Variants in ADAMTS6 observed in about 807,000 individuals in gnomAD.
ADAMTS6 encodes ADAM metallopeptidase with thrombospondin type 1 motif 6, also known as A disintegrin and metalloproteinase with thrombospondin motifs 6.
A neutral mutation model predicts 144.3 loss-of-function variants in ADAMTS6; 23 were observed. The observed-to-expected ratio is 0.16, with a 90% CI of 0.11 to 0.23. The LOEUF (loss-of-function observed/expected upper bound fraction) is 0.23, where lower values mean the gene tolerates loss of function less well. Ranked by LOEUF, ADAMTS6 falls within the 10% of genes least tolerant of loss-of-function variation. ADAMTS6 has a pLI of 1.00. For synonymous variants in ADAMTS6, 444 were observed against 457.5 expected (o/e 0.97, Z 0.38); for missense variants, 999 against 1,379.6 (o/e 0.72, Z 4.37).
intron 14 of ADAMTS6, among the ~76,000 whole-genome samples, chr5:65,255,782 T>A (rs1265857437): frequency 6.6e-6 from 1 of 152,146 alleles, no homozygotes; most frequent in Non-Finnish European, 1.5e-5. Flanking sequence ...TTAAAAAAAA[T>A]TTTGTCAGAA....
chr5:65,268,818 T>C (rs1251999451), intron 12 of ADAMTS6, among the ~76,000 whole-genome samples: 4 of 152,236 alleles, frequency 2.6e-5, no homozygotes, highest in African/African-American at 7.2e-5. Flanking sequence ...TGGGCAGGGA[T>C]CCCATATCTT....
chr5:65,267,291 A>T (rs1021646946), intron 12 of ADAMTS6, among the ~76,000 whole-genome samples: 1 of 152,108 alleles, frequency 6.6e-6, no homozygotes, highest in Non-Finnish European at 1.5e-5. Context: ...ACTATTCTAA[A>T]TAACAGTCAT....
At chr5:65,471,768 A>C (rs1049457615) in intron 2 of ADAMTS6, among the ~76,000 whole-genome samples, 3 of 152,066 alleles carry the variant, frequency 2.0e-5, no homozygotes, top group Non-Finnish European at 4.4e-5. Context: ...AAAAAAAAAA[A>C]CAAAACGAAA....
At position 65,214,218 on chromosome 5, in the gene ADAMTS6, C is replaced by A; in HGVS notation, c.2575+576G>T. ...GGACAACCAACACATCACCAACCAC[C>A]GCCTAGCAGCTACCTCTGAGGGACT... is the stretch of plus-strand genomic sequence containing the variant. On this transcript the variant is annotated intron_variant, in intron 20 of 24. Coordinates refer to ENST00000381055, the MANE Select transcript of ADAMTS6 (RefSeq NM_197941.4). This position sits in a 1 kb window ranked among gnomAD's most constrained non-coding sequence, Gnocchi z 4.6. 1 of 178,486 alleles carries A rather than the reference C, an allele frequency of 5.6e-6. No individual in the cohort carries two copies. The highest frequency in any genetic ancestry group is 5.7e-5 in the Admixed American group (1 of 17,596). 11.1% of individuals were successfully genotyped at this position (178,486 alleles called of 1,614,324 possible).
At chr5:65,252,662 G>A (rs571315592) in intron 14 of ADAMTS6, among the ~76,000 whole-genome samples, 29 of 151,560 alleles carry the variant, frequency 1.9e-4, no homozygotes, top group African/African-American at 6.8e-4. Context: ...ACTCTAACCA[G>A]AGAGTTATAA....
intron 7 of ADAMTS6, among the ~76,000 whole-genome samples, chr5:65,438,376 A>C (rs1270748021): frequency 1.3e-5 from 2 of 152,122 alleles, no homozygotes; most frequent in African/African-American, 4.8e-5. Context: ...AAAACACAAA[A>C]AATTAGCCAG....
chr5:65,213,111 T>G (rs1302707856), intron 20 of ADAMTS6, among the ~76,000 whole-genome samples: 1 of 152,238 alleles, frequency 6.6e-6, no homozygotes, highest in Non-Finnish European at 1.5e-5. Flanking sequence ...TAATGTCCTA[T>G]GGCTTTAAAA....
At chr5:65,433,621 C>G (rs868469414) in intron 7 of ADAMTS6, among the ~76,000 whole-genome samples, 1 of 152,038 alleles carries the variant, frequency 6.6e-6, no homozygotes, top group South Asian at 2.1e-4. Flanking sequence ...AAATGATATA[C>G]AAATAGACAA....
At chr5:65,417,748 A>G (rs1479358878) in intron 7 of ADAMTS6, among the ~76,000 whole-genome samples, 2 of 152,210 alleles carry the variant, frequency 1.3e-5, no homozygotes, top group African/African-American at 2.4e-5. Context: ...AATGGGAAAT[A>G]TTCCATAATC....
intron 7 of ADAMTS6, among the ~76,000 whole-genome samples, chr5:65,420,736 A>G (rs1755958560): frequency 1.3e-5 from 2 of 152,240 alleles, no homozygotes; most frequent in African/African-American, 2.4e-5. Context: ...AAGACAATAT[A>G]AAGTATTAGA....
intron 7 of ADAMTS6, among the ~76,000 whole-genome samples, chr5:65,345,488 T>A (rs1748232371): frequency 6.6e-6 from 1 of 151,742 alleles, no homozygotes; most frequent in African/African-American, 2.4e-5. Context: ...TATTCTTTCA[T>A]GATTAGTGAA....
chr5:65,360,635 A>C (rs1251708735), intron 7 of ADAMTS6, among the ~76,000 whole-genome samples: 5 of 152,222 alleles, frequency 3.3e-5, no homozygotes, highest in African/African-American at 9.6e-5. Context: ...CTGTGTAAAA[A>C]ATTAATGAAA....
intron 7 of ADAMTS6, among the ~76,000 whole-genome samples, chr5:65,428,124 G>T: frequency 6.6e-6 from 1 of 151,120 alleles, no homozygotes; most frequent in East Asian, 1.9e-4. Context: ...TACTTGAGAG[G>T]CTGAGGCAGG....
intron 9 of ADAMTS6, among the ~76,000 whole-genome samples, chr5:65,306,333 T>C (rs1018193661): frequency 2.0e-5 from 3 of 152,202 alleles, no homozygotes; most frequent in Non-Finnish European, 4.4e-5. Context: ...TAAGTGAAAA[T>C]GGCATGGGTT....
chr5:65,457,336 G>A lies in ADAMTS6; in HGVS notation c.631+2834C>T, dbSNP rs184347178. 7.9e-3 allele frequency among the ~76,000 whole-genome samples: 1,209 copies of A among 152,270 alleles called. 15 individuals carry two copies. The highest frequency in any genetic ancestry group is 0.028 in the African/African-American group (1,172 of 41,556). On this transcript the variant is annotated intron_variant, in intron 4 of 24. Transcript: ENST00000381055. ...TAAAATAAATAGACTAGAGTTTGGGGTAGTAGAAATGGCAAGTGAATTAAA... is the reference window on the plus strand; with the variant it reads ...TAAAATAAATAGACTAGAGTTTGGGATAGTAGAAATGGCAAGTGAATTAAA...
At chr5:65,328,109 C>G (rs748194959) in intron 9 of ADAMTS6, among the ~76,000 whole-genome samples, 2 of 152,106 alleles carry the variant, frequency 1.3e-5, no homozygotes, top group Non-Finnish European at 2.9e-5. Context: ...ACTGACTTTT[C>G]CTGTGTCTGA....
chr5:65,332,466 A>C (rs1421360519), intron 8 of ADAMTS6, among the ~76,000 whole-genome samples: 1 of 151,926 alleles, frequency 6.6e-6, no homozygotes, highest in Non-Finnish European at 1.5e-5. Flanking sequence ...TATATCTAAA[A>C]TTGACTGAAC....
At chr5:65,160,600 G>A (rs1304639584) in intron 24 of ADAMTS6, among the ~76,000 whole-genome samples, 4 of 150,670 alleles carry the variant, frequency 2.7e-5, no homozygotes, top group African/African-American at 7.3e-5. Flanking sequence ...CACCGCGCCC[G>A]GCCTCCAACT....
At chr5:65,233,937 A>G (rs2112452782) in intron 15 of ADAMTS6, among the ~76,000 whole-genome samples, 1 of 152,178 alleles carries the variant, frequency 6.6e-6, no homozygotes, top group Non-Finnish European at 1.5e-5. Context: ...AGATAAGTAG[A>G]GCAATGGGAC....
Sources: allele counts gnomAD v4.1 joint callset (sites outside exome capture counted in the v4.1 genomes callset), GRCh38; gene constraint gnomAD v4.1.1; non-coding constraint Gnocchi (gnomAD v3.1); transcripts MANE v1.5; gene names NCBI Gene and HGNC (gene_info 2026-07-23, HGNC 2026-07-21).